Variants in COL20A1 observed in about 807,000 individuals in gnomAD.
COL20A1 encodes collagen alpha-1(XX) chain.
In COL20A1, 164 loss-of-function variants were observed where a neutral mutation model predicts 152.9. The ratio of observed to expected loss-of-function variants is 1.07; its 90% CI spans 0.94 to 1.22. The LOEUF is 1.22. Among genes scored for constraint, COL20A1 ranks in the 50% most tolerant of loss-of-function variants. The pLI is 0.00. For missense variants in COL20A1, 1,873 were observed against 1,744.8 expected, an observed-to-expected ratio of 1.07 and a Z score of -1.31; for synonymous variants, 864 against 756.0, an observed-to-expected ratio of 1.14 and a Z score of -2.34.
chr20:63,311,534 C>T lies in COL20A1; in HGVS notation c.1534C>T (p.Arg512Ter), dbSNP rs1258752931. Residue 512 changes from arginine to a stop codon, truncating the protein, a stop_gained, in exon 12 of 36, where the codon CGA (arginine) becomes TGA (stop). Coordinates refer to ENST00000358894, the MANE Select transcript of COL20A1 (RefSeq NM_020882.4). LOFTEE classifies it high-confidence loss of function. The surrounding 1 kb of genome is among the most constrained non-coding windows in gnomAD (Gnocchi z 4.4). ...PASPKGEEEEREVQVGRPEVL... is the reference protein window; with the variant it reads ...PASPKGEEEE ...TTCCCCCAAGGGTGAAGAGGAGGAG[C>T]GAGAGGTGAGCTGGGCCGGGGGGTG... 12 of 1,596,104 alleles carry T rather than the reference C, an allele frequency of 7.5e-6. No homozygotes were observed. The highest frequency in any genetic ancestry group is 5.2e-5 in the Admixed American group (3 of 57,634).
At chr20:63,327,649 C>T in intron 31 of COL20A1, 1 of 463,190 alleles carries the variant, frequency 2.2e-6, no homozygotes, top group South Asian at 2.3e-5. Flanking sequence ...GTTCTCTGGG[C>T]AGTGTCCCAC....
chr20:63,305,016 T>C lies in COL20A1; in HGVS notation c.194-401T>C, dbSNP rs926784932. Among the ~76,000 whole-genome samples, 6 of 152,138 alleles carry C rather than the reference T, an allele frequency of 3.9e-5. No homozygotes were observed. The highest frequency in any genetic ancestry group is 7.4e-5 in the Non-Finnish European group (5 of 68,020). On this transcript the variant is annotated intron_variant, in intron 3 of 35. Coordinates refer to ENST00000358894, the MANE Select transcript of COL20A1 (RefSeq NM_020882.4). The surrounding 1 kb of genome is among the most constrained non-coding windows in gnomAD (Gnocchi z 4.9). The stretch of plus-strand genomic sequence containing the variant: ...GCGGCTGGTCGGTCCGTGCAGCCCA[T>C]AGGGTAGGAGCCTGTGGGAGTGGGC...
Position 63,313,666 on chromosome 20 carries a change from G to C in COL20A1, c.2210-77G>C, listed in dbSNP as rs894183856. The C allele has an allele frequency of 2.9e-6, 4 of 1,387,130 alleles. No homozygotes were observed. The highest frequency in any genetic ancestry group is 3.8e-6 in the Non-Finnish European group (4 of 1,040,192). 85.9% of individuals were successfully genotyped at this position (1,387,130 alleles called of 1,614,324 possible). A position where few individuals can be genotyped will look rare whatever the true frequency, so the allele number is the denominator to read the frequency against. ...ATTACGCAGAGCAGGGTAGGGGCTG[G>C]GCAGCTGGTCCTCTGGCCACCGGGT... On this transcript the variant is annotated intron_variant, in intron 17 of 35. Coordinates refer to ENST00000358894, the MANE Select transcript of COL20A1 (RefSeq NM_020882.4). This position sits in a 1 kb window ranked among gnomAD's most constrained non-coding sequence, Gnocchi z 5.9.
intron 3 of COL20A1, among the ~76,000 whole-genome samples, chr20:63,303,900 CA>C (rs1301443539): frequency 6.7e-6 from 1 of 148,884 alleles, no homozygotes; most frequent in African/African-American, 2.5e-5. Flanking sequence ...CTTCTCCCTG[CA>C]GGTGTGCAGG....
At chr20:63,328,806 C>T (rs973452707) in intron 34 of COL20A1, among the ~76,000 whole-genome samples, 3 of 151,936 alleles carry the variant, frequency 2.0e-5, no homozygotes, top group Non-Finnish European at 4.4e-5. Context: ...ACCTCCCATC[C>T]TTCCTCCCGC....
At chr20:63,321,828 CAG>C (rs1373913441) in intron 26 of COL20A1, among the ~76,000 whole-genome samples, 4 of 152,112 alleles carry the variant, frequency 2.6e-5, no homozygotes, top group African/African-American at 7.3e-5. Context: ...CTTGTCTACT[CAG>C]GGGGCCGGGG....
At position 63,319,054 on chromosome 20, in the gene COL20A1, A is replaced by G; in HGVS notation, c.2664-4A>G. On this transcript the variant is annotated splice_polypyrimidine_tract_variant and splice_region_variant and intron_variant, in intron 21 of 35. Coordinates refer to ENST00000358894, the MANE Select transcript of COL20A1 (RefSeq NM_020882.4). The surrounding 1 kb of genome is among the most constrained non-coding windows in gnomAD (Gnocchi z 4.4). Reference sequence around the variant, plus strand: ...TGTGCCTCTCCCTCCCCCAACCCCCACAGTGACGTCTACCCAGCCCCCCTA... The same window carrying G: ...TGTGCCTCTCCCTCCCCCAACCCCCGCAGTGACGTCTACCCAGCCCCCCTA... The G allele has an allele frequency of 1.1e-6, 1 of 937,380 alleles. No homozygotes were observed. The highest frequency in any genetic ancestry group is 1.5e-6 in the Non-Finnish European group (1 of 667,234). The allele number at this position is 937,380 out of a possible 1,614,324, so 58.1% of individuals were successfully genotyped here.
chr20:63,308,497 G>T (rs754921056), intron 7 of COL20A1, 45 bp from the exon 8 acceptor site: 1 of 1,498,416 alleles, frequency 6.7e-7, no homozygotes, highest in East Asian at 2.4e-5. Flanking sequence ...GCACCAGGAG[G>T]GGATGCTGGC....
intron 2 of COL20A1, 87 bp from the exon 3 acceptor site, chr20:63,297,823 C>T: frequency 9.8e-7 from 1 of 1,018,880 alleles, no homozygotes; most frequent in South Asian, 1.4e-5. Context: ...CTCCCAAATG[C>T]TGAGGGCAGG....
rs1221426513 is a variant in COL20A1 at position 63,313,117 on chromosome 20, A to G, written c.2077A>G (p.Ile693Val). 1.2e-6 allele frequency: 2 copies of G among 1,607,108 alleles called. No homozygotes were observed. The highest frequency in any genetic ancestry group is 1.7e-6 in the Non-Finnish European group (2 of 1,177,468). Residue 693 changes from isoleucine to valine, a missense_variant and splice_region_variant, in exon 17 of 36, where the codon ATC becomes GTC. Transcript: ENST00000358894. This position sits in a 1 kb window ranked among gnomAD's most constrained non-coding sequence, Gnocchi z 5.9. ...TPLGEGKAHE[I>V]SVPGNLGTAV... ...ACCCCTGGGGCTCTCCTCTCCCTAG[A>G]TCTCTGTCCCAGGGAACCTCGGCAC... is the stretch of plus-strand genomic sequence containing the variant.
Position 63,312,453 on chromosome 20 carries a change from C to G in COL20A1, c.1837C>G (p.Leu613Val), listed in dbSNP as rs779913851. The G allele has an allele frequency of 6.2e-7, 1 of 1,606,288 alleles. No homozygotes were observed. The highest frequency in any genetic ancestry group is 1.1e-5 in the South Asian group (1 of 90,504). ...TCCTGGGAACGCCACCTCGGCCACG[C>G]TGGGGCCTCTCTCTTCCTCCACCAC... Reference protein sequence around the residue: ...EAPGNATSATLGPLSSSTTYT... With the variant: ...EAPGNATSATVGPLSSSTTYT... Residue 613 changes from leucine (L) to valine (V), a missense_variant, in exon 15 of 36, where the codon CTG (leucine) becomes GTG (valine). By Grantham distance (32) the Leu-to-Val change is conservative. Transcript: ENST00000358894.
At chr20:63,326,037 A>T in intron 29 of COL20A1, 59 bp from the exon 30 acceptor site, 1 of 1,480,208 alleles carries the variant, frequency 6.8e-7, no homozygotes, top group Non-Finnish European at 9.4e-7. Context: ...GGCTGTCACC[A>T]TGGGAGGGCT....
chr20:63,312,654 T>G (rs895866904), intron 15 of COL20A1, 105 bp downstream of exon 15: 84 of 1,466,020 alleles, frequency 5.7e-5, no homozygotes, highest in Non-Finnish European at 7.4e-5. Context: ...CCTGGGTCAG[T>G]GCTGAGCCAG....
chr20:63,299,079 C>G (rs950594269), intron 3 of COL20A1, among the ~76,000 whole-genome samples: 3 of 152,196 alleles, frequency 2.0e-5, no homozygotes, highest in Non-Finnish European at 4.4e-5. Flanking sequence ...GAGGTTTGCC[C>G]CGTGGTGTGT....
chr20:63,294,789 C>T (rs555326196), intron 1 of COL20A1, among the ~76,000 whole-genome samples: 5 of 152,304 alleles, frequency 3.3e-5, no homozygotes, highest in South Asian at 2.1e-4. Context: ...CTGCACTGGG[C>T]GTGGGGACAA....
In COL20A1 at chr20:63,311,515, C is replaced by A; in HGVS notation, c.1515C>A (p.Pro505=). 6.3e-7 allele frequency: 1 copy of A among 1,590,724 alleles called. No homozygotes were observed. ...HYLVRCSPAS[P]KGEEEEREVQ... is the part of the protein sequence containing the mutation. ...TGGTGCGATGTTCTCCTGCTTCCCC[C>A]AAGGGTGAAGAGGAGGAGCGAGAGG... The change falls in exon 12 of 36, where the codon CCC becomes CCA. Residue 505 remains proline (P), a synonymous_variant. Transcript: ENST00000358894. This position sits in a 1 kb window ranked among gnomAD's most constrained non-coding sequence, Gnocchi z 4.4.
Position 63,319,095 on chromosome 20 carries a change from A to G in COL20A1, c.2701A>G (p.Ile901Val). Reference sequence around the variant, plus strand: ...AGCCCCCCTACCTCCAGAGCACACCATCGTCTTCCTTGTGCGCCTACTTCC... The same window carrying G: ...AGCCCCCCTACCTCCAGAGCACACCGTCGTCTTCCTTGTGCGCCTACTTCC... ...YPAPLPPEHTIVFLVRLLPET... is the reference protein window; with the variant it reads ...YPAPLPPEHTVVFLVRLLPET... Residue 901 changes from isoleucine to valine, a missense_variant, in exon 22 of 36, where the codon ATC becomes GTC. Coordinates refer to ENST00000358894, the MANE Select transcript of COL20A1 (RefSeq NM_020882.4). The surrounding 1 kb of genome is among the most constrained non-coding windows in gnomAD (Gnocchi z 4.4). 2.5e-6 allele frequency: 4 copies of G among 1,590,482 alleles called. No homozygotes were observed. Among genetic ancestry groups the G allele is most frequent in the Non-Finnish European group, 2.6e-6 (3 of 1,168,882 alleles).
chr20:63,307,205 C>G (rs888239151), intron 5 of COL20A1, among the ~76,000 whole-genome samples: 1 of 152,242 alleles, frequency 6.6e-6, no homozygotes, highest in African/African-American at 2.4e-5. Flanking sequence ...TGGTTTGCAC[C>G]TGGTGGGCTT....
At chr20:63,309,568 T>C (rs2067976870) in intron 9 of COL20A1, 71 bp downstream of exon 9, 1 of 1,376,636 alleles carries the variant, frequency 7.3e-7, no homozygotes, top group East Asian at 2.7e-5. Context: ...GGGGGGACGC[T>C]GTGGCTCCCG....
Sources: allele counts gnomAD v4.1 joint callset (sites outside exome capture counted in the v4.1 genomes callset), GRCh38; gene constraint gnomAD v4.1.1; non-coding constraint Gnocchi (gnomAD v3.1); transcripts MANE v1.5; gene names NCBI Gene and HGNC (gene_info 2026-07-23, HGNC 2026-07-21).